OPCML: variants seen among roughly 807,000 people sequenced by gnomAD.
The protein encoded by OPCML is opioid-binding protein/cell adhesion molecule.
OPCML carries 13 observed loss-of-function variants against 37.8 expected under a neutral mutation model. The ratio of observed to expected loss-of-function variants is 0.34; its 90% CI spans 0.22 to 0.55. OPCML has a LOEUF of 0.55. Among genes scored for constraint, OPCML ranks in the 20% least tolerant of loss-of-function variants. The probability of loss-of-function intolerance (pLI) is 0.91; values close to 1 mark genes in which losing one functional copy is unlikely to be tolerated. For synonymous variants in OPCML, 176 were observed against 168.8 expected (o/e 1.04, Z -0.33); for missense variants, 341 against 435.6 (o/e 0.78, Z 1.93).
rs546284750 is a variant in OPCML, at chr11:132,529,839, T to C, written c.380-653A>G. Among the ~76,000 whole-genome samples the C allele has an allele frequency of 3.9e-5, 6 of 152,310 alleles. No homozygotes were observed. The East Asian group carries it at 1.2e-3, about 29-fold the overall frequency. ...GGATCCAACCAGCAATGTGTGGGTG[T>C]CCTTACTGTTACTGTAACCATGAGA... On this transcript the variant is annotated intron_variant, in intron 3 of 7. Transcript: ENST00000524381.
chr11:132,426,723 C>T (rs756672807), intron 7 of OPCML, among the ~76,000 whole-genome samples: 28 of 152,324 alleles, frequency 1.8e-4, no homozygotes, highest in Non-Finnish European at 3.5e-4. Flanking sequence ...TGAGCCACCA[C>T]GCCTGGCCTA....
chr11:133,460,065 GA>G (rs759633868), intron 1 of OPCML, among the ~76,000 whole-genome samples: 1 of 151,846 alleles, frequency 6.6e-6, no homozygotes, highest in Non-Finnish European at 1.5e-5. Flanking sequence ...ACAACAGAAG[GA>G]AAACTGGAAA....
intron 1 of OPCML, among the ~76,000 whole-genome samples, chr11:133,350,019 A>G (rs965058355): frequency 3.3e-5 from 5 of 152,214 alleles, no homozygotes; most frequent in Non-Finnish European, 7.3e-5. Flanking sequence ...CGCGGGCTGC[A>G]GAGGAGCCCA....
At chr11:133,110,948 T>A (rs1468000432) in intron 1 of OPCML, among the ~76,000 whole-genome samples, 2 of 152,192 alleles carry the variant, frequency 1.3e-5, no homozygotes, top group Non-Finnish European at 2.9e-5. Flanking sequence ...TTCTGGTCCT[T>A]TGTTTACTCA....
chr11:133,473,009 G>A (rs1039216598), intron 1 of OPCML, among the ~76,000 whole-genome samples: 2 of 152,092 alleles, frequency 1.3e-5, no homozygotes, highest in East Asian at 3.9e-4. Context: ...AAGGGACAAA[G>A]AACCATACTG....
At position 133,166,498 on chromosome 11, in the gene OPCML, G is replaced by A. The variant is rs138501321; in HGVS notation, c.62-223488C>T. Among the ~76,000 whole-genome samples, 6 of 152,346 alleles carry A rather than the reference G, an allele frequency of 3.9e-5. No homozygotes were observed. The East Asian group carries it at 1.2e-3, about 29-fold the overall frequency. On this transcript the variant is annotated intron_variant, in intron 1 of 7. Coordinates refer to ENST00000524381, the MANE Select transcript of OPCML (RefSeq NM_001012393.5). ...GTACCTTAATACTTTTCTATGTGTG[G>A]TGTAGTTAATGTTATAATATTGGCA...
At chr11:132,490,017 A>T (rs1396071124) in intron 4 of OPCML, among the ~76,000 whole-genome samples, 1 of 152,118 alleles carries the variant, frequency 6.6e-6, no homozygotes, top group Non-Finnish European at 1.5e-5. Flanking sequence ...AAAGGACATG[A>T]ACTCATCCTT....
intron 1 of OPCML, among the ~76,000 whole-genome samples, chr11:133,270,211 A>G (rs1941786830): frequency 6.6e-6 from 1 of 152,210 alleles, no homozygotes; most frequent in African/African-American, 2.4e-5. Context: ...AACAGAGAGC[A>G]AACCTATTCT....
At chr11:133,311,022 T>G (rs1943055828) in intron 1 of OPCML, among the ~76,000 whole-genome samples, 1 of 152,222 alleles carries the variant, frequency 6.6e-6, no homozygotes, top group African/African-American at 2.4e-5. Flanking sequence ...GCCAACCAGA[T>G]GGCAGGCAGC....
chr11:132,548,790 T>G (rs2096374775), intron 3 of OPCML, among the ~76,000 whole-genome samples: 1 of 152,232 alleles, frequency 6.6e-6, no homozygotes. Flanking sequence ...TTGACATATC[T>G]GTAACCACGT....
At chr11:133,058,763 A>G (rs953128094) in intron 1 of OPCML, among the ~76,000 whole-genome samples, 4 of 152,224 alleles carry the variant, frequency 2.6e-5, no homozygotes, top group Admixed American at 6.5e-5. Flanking sequence ...CCAGCTTAAC[A>G]TCAACTGCTG....
At chr11:133,103,296 T>A (rs996265370) in intron 1 of OPCML, among the ~76,000 whole-genome samples, 3 of 152,198 alleles carry the variant, frequency 2.0e-5, no homozygotes, top group Admixed American at 6.5e-5. Flanking sequence ...AGTCTTCTTT[T>A]TATAGGAAGA....
chr11:132,928,909 T>G (rs966499937), intron 2 of OPCML, among the ~76,000 whole-genome samples: 1 of 150,666 alleles, frequency 6.6e-6, no homozygotes, highest in Non-Finnish European at 1.5e-5. Context: ...TTGTGACAAA[T>G]GAAAATGAAG....
intron 1 of OPCML, among the ~76,000 whole-genome samples, chr11:133,528,116 T>C (rs77245106): frequency 0.017 from 2,619 of 152,252 alleles, 83 homozygotes; most frequent in African/African-American, 0.059. Context: ...CGAGGGAACA[T>C]GGGAGAACCT....
At chr11:132,970,319 T>C (rs1215505867) in intron 1 of OPCML, among the ~76,000 whole-genome samples, 3 of 152,212 alleles carry the variant, frequency 2.0e-5, no homozygotes, top group South Asian at 2.1e-4. Context: ...TCAAGTCTAA[T>C]TACCCTTTTG....
Position 133,174,630 on chromosome 11 carries a change from CTGT to C in OPCML, c.62-231623_62-231621del. ...GTGTTGAAAAAATGCTCATGGAATG[CTGT>C]TTAGTGAAAAAAAAAAAAAAAAAAA... On this transcript the variant is annotated intron_variant, in intron 1 of 7. Transcript: ENST00000524381. The surrounding 1 kb of genome is among the most constrained non-coding windows in gnomAD (Gnocchi z 4.6). Among the ~76,000 whole-genome samples, 1 of 117,436 alleles carries C rather than the reference CTGT, an allele frequency of 8.5e-6. No individual in the cohort carries two copies. The highest frequency in any genetic ancestry group is 1.7e-5 in the Non-Finnish European group (1 of 59,100). 77.0% of individuals were successfully genotyped at this position (117,436 alleles called of 152,430 possible). A position where few individuals can be genotyped will look rare whatever the true frequency, so the allele number is the denominator to read the frequency against.
At chr11:132,682,399 T>C (rs1942987151) in intron 2 of OPCML, among the ~76,000 whole-genome samples, 2 of 152,174 alleles carry the variant, frequency 1.3e-5, no homozygotes, top group South Asian at 2.1e-4. Flanking sequence ...TTATAACATA[T>C]CATCTTTTAA....
At chr11:132,552,749 A>G (rs2096384809) in intron 3 of OPCML, among the ~76,000 whole-genome samples, 1 of 105,474 alleles carries the variant, frequency 9.5e-6, no homozygotes, top group Admixed American at 8.8e-5. Context: ...AGTCAAACTA[A>G]ATTAAACACT....
chr11:133,102,909 G>A (rs1949107109), intron 1 of OPCML, among the ~76,000 whole-genome samples: 1 of 152,158 alleles, frequency 6.6e-6, no homozygotes, highest in Admixed American at 6.5e-5. Context: ...AAGCAAGGGA[G>A]TGGAGCCCTA....
Sources: gnomAD v4.1 joint callset for allele counts (sites outside exome capture counted in the v4.1 genomes callset) on GRCh38, gnomAD v4.1.1 for gene constraint, Gnocchi (gnomAD v3.1) non-coding constraint, MANE v1.5 for transcripts, NCBI Gene and HGNC (gene_info 2026-07-23, HGNC 2026-07-21) for gene names.